Variants in NRG1 observed in about 807,000 individuals in gnomAD.
The protein encoded by NRG1 is neuregulin 1, also known as pro-neuregulin-1, membrane-bound isoform.
Under a neutral mutation model 63.8 loss-of-function variants are expected in NRG1, and 18 were observed. The observed-to-expected ratio is 0.28, with a 90% confidence interval of 0.19 to 0.42. The LOEUF (loss-of-function observed/expected upper bound fraction) is 0.42, where lower values mean the gene tolerates loss of function less well. Among genes scored for constraint, NRG1 ranks in the 10% least tolerant of loss-of-function variants. NRG1 has a pLI of 1.00. For missense variants in NRG1, 762 were observed against 814.7 expected (o/e 0.94, Z 0.79); for synonymous variants, 302 against 301.3 (o/e 1.00, Z -0.02).
chr8:32,304,796 G>A (rs922815176), intron 1 of NRG1, among the ~76,000 whole-genome samples: 3 of 152,018 alleles, frequency 2.0e-5, no homozygotes, highest in African/African-American at 7.2e-5. Flanking sequence ...GCTGAAGCAG[G>A]CAGATCACTT....
chr8:31,640,232 T>C lies in NRG1; in HGVS notation c.37+801T>C. ...CTAGCTCAGCGCGCCGCGGTGGTGA[T>C]CGAGGGAAAGGTGCACCCGCAGCGG... is the stretch of plus-strand genomic sequence containing the variant. On this transcript the variant is annotated intron_variant, in intron 1 of 10. Coordinates refer to the NRG1 transcript ENST00000519301. This position sits in a 1 kb window ranked among gnomAD's most constrained non-coding sequence, Gnocchi z 6.3. The C allele has an allele frequency of 1.7e-6, 2 of 1,157,274 alleles. 1 individual carries two copies. Among genetic ancestry groups the C allele is most frequent in the South Asian group, 8.2e-5 (2 of 24,304 alleles). 71.7% of individuals were successfully genotyped at this position (1,157,274 alleles called of 1,614,324 possible).
intron 1 of NRG1, among the ~76,000 whole-genome samples, chr8:32,511,532 T>A (rs978542522): frequency 3.3e-5 from 5 of 151,930 alleles, no homozygotes; most frequent in African/African-American, 1.2e-4. Flanking sequence ...CTGATCAGTG[T>A]TCCACTTAAG....
At chr8:32,467,092 A>C (rs934223334) in intron 1 of NRG1, among the ~76,000 whole-genome samples, 1 of 152,106 alleles carries the variant, frequency 6.6e-6, no homozygotes, top group African/African-American at 2.4e-5. Flanking sequence ...CCATAAAGAC[A>C]CACATTTTTT....
chr8:32,404,145 G>A (rs568594964), intron 1 of NRG1, among the ~76,000 whole-genome samples: 15 of 152,260 alleles, frequency 9.9e-5, no homozygotes, highest in African/African-American at 3.1e-4. Context: ...GAAGACCCTG[G>A]AGAAATGTTT....
chr8:31,753,649 CA>C (rs1317794091), intron 1 of NRG1, among the ~76,000 whole-genome samples: 1 of 151,978 alleles, frequency 6.6e-6, no homozygotes, highest in African/African-American at 2.4e-5. Flanking sequence ...TCTATAGAGT[CA>C]AATCTATCCA....
At chr8:32,187,778 A>G (rs926454748) in intron 1 of NRG1, among the ~76,000 whole-genome samples, 1 of 152,172 alleles carries the variant, frequency 6.6e-6, no homozygotes, top group Non-Finnish European at 1.5e-5. Context: ...ACAGGCTTAG[A>G]ATTACCAGCA....
chr8:32,194,893 ATACAT>A (rs1244372791), intron 1 of NRG1, among the ~76,000 whole-genome samples: 1 of 152,220 alleles, frequency 6.6e-6, no homozygotes, highest in African/African-American at 2.4e-5. Flanking sequence ...AAATTGTAAC[ATACAT>A]TTTTATGAAA....
intron 1 of NRG1, among the ~76,000 whole-genome samples, chr8:31,762,525 T>G (rs1817660843): frequency 6.6e-6 from 1 of 152,344 alleles, no homozygotes; most frequent in African/African-American, 2.4e-5. Flanking sequence ...TGTGTCTTTA[T>G]AGTAGAATGA....
chr8:32,299,265 AAAAT>A (rs1176785166), intron 1 of NRG1, among the ~76,000 whole-genome samples: 1 of 152,168 alleles, frequency 6.6e-6, no homozygotes, highest in Non-Finnish European at 1.5e-5. Flanking sequence ...AATTACCAAA[AAAAT>A]AAAAACAGAA....
chr8:32,178,934 A>C (rs964357411), intron 1 of NRG1, among the ~76,000 whole-genome samples: 2 of 152,124 alleles, frequency 1.3e-5, no homozygotes, highest in African/African-American at 4.8e-5. Context: ...ACTGATGGAC[A>C]TAAGAAAGCA....
chr8:32,120,744 G>C (rs2131546708), intron 1 of NRG1, among the ~76,000 whole-genome samples: 1 of 152,192 alleles, frequency 6.6e-6, no homozygotes, highest in South Asian at 2.1e-4. Flanking sequence ...AAGGACAAAT[G>C]TTGGTTGTCA....
At chr8:31,940,699 A>G (rs1308154012) in intron 1 of NRG1, among the ~76,000 whole-genome samples, 1 of 152,176 alleles carries the variant, frequency 6.6e-6, no homozygotes, top group East Asian at 1.9e-4. Context: ...AATCGTAATT[A>G]GAAATGAAAT....
At chr8:32,578,290 G>A (rs545188374) in intron 1 of NRG1, among the ~76,000 whole-genome samples, 14 of 152,238 alleles carry the variant, frequency 9.2e-5, no homozygotes, top group Non-Finnish European at 1.0e-4. Flanking sequence ...CACCGTGCCC[G>A]GCCAGATCTT....
At chr8:32,044,076 T>C (rs533772670) in intron 1 of NRG1, among the ~76,000 whole-genome samples, 2 of 151,810 alleles carry the variant, frequency 1.3e-5, no homozygotes, top group African/African-American at 2.4e-5. Context: ...TTTAAAATAA[T>C]GACAAAGGTA....
intron 1 of NRG1, among the ~76,000 whole-genome samples, chr8:32,230,827 A>G (rs567837508): frequency 3.3e-5 from 5 of 152,080 alleles, no homozygotes; most frequent in African/African-American, 9.6e-5. Context: ...TATCGGGGCA[A>G]TTGGGGTGTC....
At chr8:32,760,227 C>T in exon 11 of NRG1, 1 of 1,614,058 alleles carries the variant, frequency 6.2e-7, no homozygotes, top group Non-Finnish European at 8.5e-7. Flanking sequence ...CTGAAAGCAT[C>T]CTTTCCGAAA....
chr8:31,997,037 C>T (rs919521863), intron 1 of NRG1, among the ~76,000 whole-genome samples: 2 of 151,880 alleles, frequency 1.3e-5, no homozygotes, highest in Non-Finnish European at 2.9e-5. Context: ...CGTTTCTAGA[C>T]TAGTTTCATT....
chr8:32,157,972 T>C (rs900549675), intron 1 of NRG1, among the ~76,000 whole-genome samples: 5 of 152,120 alleles, frequency 3.3e-5, no homozygotes, highest in Admixed American at 2.6e-4. Flanking sequence ...CTTTCCACTT[T>C]CCCAAACTCT....
intron 1 of NRG1, among the ~76,000 whole-genome samples, chr8:31,644,316 C>A (rs544029700): frequency 6.6e-6 from 1 of 152,106 alleles, no homozygotes; most frequent in Admixed American, 6.5e-5. Flanking sequence ...GCTACTTCTA[C>A]TGAGTAGAGA....
Sources: allele counts gnomAD v4.1 joint callset (sites outside exome capture counted in the v4.1 genomes callset), GRCh38; gene constraint gnomAD v4.1.1; non-coding constraint Gnocchi (gnomAD v3.1); transcripts MANE v1.5; gene names NCBI Gene and HGNC (gene_info 2026-07-23, HGNC 2026-07-21).